The following MAFK variants were observed in gnomAD, a reference collection of about 807,000 sequenced individuals.
MAFK encodes the protein transcription factor MafK.
MAFK carries 1 observed loss-of-function variant against 9.2 expected under a neutral mutation model. The ratio of observed to expected loss-of-function variants is 0.11; its 90% CI spans 0.04 to 0.52. The LOEUF (loss-of-function observed/expected upper bound fraction) is 0.52, where lower values mean the gene tolerates loss of function less well. Among genes scored for constraint, MAFK ranks in the 20% least tolerant of loss-of-function variants. The pLI is 0.94. For synonymous variants in MAFK, 110 were observed against 107.4 expected (o/e 1.02, Z -0.15); for missense variants, 207 against 236.0 (o/e 0.88, Z 0.81).
chr7:1,537,626 G>C (rs1024325125), intron 1 of MAFK: 1 of 985,592 alleles, frequency 1.0e-6, no homozygotes, highest in Non-Finnish European at 1.2e-6. Flanking sequence ...TGCCATCTAC[G>C]TCAGCGCCCT....
chr7:1,539,269 G>A (rs756116349), intron 2 of MAFK, 41 bp downstream of exon 2: 54 of 1,545,626 alleles, frequency 3.5e-5, no homozygotes, highest in Admixed American at 9.0e-5. Flanking sequence ...AAGCACAGGC[G>A]TGGGAAAGGC....
chr7:1,536,032 G>T (rs1348249857), intron 1 of MAFK, among the ~76,000 whole-genome samples: 1 of 152,224 alleles, frequency 6.6e-6, no homozygotes, highest in African/African-American at 2.4e-5. Flanking sequence ...TCTGGCCTTG[G>T]GTTGAAAACC....
chr7:1,538,280 C>G (rs1353460872), intron 1 of MAFK: 2 of 985,392 alleles, frequency 2.0e-6, no homozygotes, highest in Non-Finnish European at 2.4e-6. Context: ...GGGACGACTC[C>G]CGCCAGACGG....
chr7:1,537,492 A>T (rs1049004727), intron 1 of MAFK: 3 of 985,364 alleles, frequency 3.0e-6, no homozygotes, highest in African/African-American at 3.5e-5. Context: ...CGGCATTTGC[A>T]GGTCCCCACG....
rs571930804 is a variant in MAFK, at chr7:1,542,589, C to T, written c.*2214C>T. On this transcript the variant is annotated 3_prime_UTR_variant, in exon 3 of 3. Coordinates refer to ENST00000343242, the MANE Select transcript of MAFK (RefSeq NM_002360.4). ...GGGTGGACGGAGCCGCTGTCACCGC[C>T]CAGAGCTGGGCCGGGGAAGCACGGT... is the stretch of plus-strand genomic sequence containing the variant. The T allele has an allele frequency of 6.6e-6, 1 of 152,410 alleles. No homozygotes were observed. Among genetic ancestry groups the T allele is most frequent in the Admixed American group, 6.5e-5 (1 of 15,310 alleles). 9.4% of individuals were successfully genotyped at this position (152,410 alleles called of 1,614,324 possible).
rs778517421 is a variant in MAFK at position 1,540,231 on chromosome 7, C to T, written c.327C>T (p.Ser109=). Residue 109 remains serine (S), a synonymous_variant, in exon 3 of 3, where the codon TCC becomes TCT. Coordinates refer to ENST00000343242, the MANE Select transcript of MAFK (RefSeq NM_002360.4). ...GGCTGGAGCTGGACGCCCTGCGCTC[C>T]AAGTACGAGGCGCTGCAGACCTTCG... ...SMRLELDALR[S]KYEALQTFAR... is the part of the protein sequence containing the mutation. The T allele has an allele frequency of 1.9e-6, 3 of 1,604,800 alleles. No homozygotes were observed. The highest frequency in any genetic ancestry group is 8.5e-7 in the Non-Finnish European group (1 of 1,176,652).
At position 1,532,153 on chromosome 7, in the gene MAFK, T is replaced by C. The variant is rs1783920867; in HGVS notation, c.-45+1255T>C. Among the ~76,000 whole-genome samples the C allele has an allele frequency of 6.6e-6, 1 of 152,234 alleles. No homozygotes were observed. The highest frequency in any genetic ancestry group is 2.1e-4 in the South Asian group (1 of 4,834). ...TCCAGGGTGGGCTGCCAGGTCTCTT[T>C]ACTGGCACTGAGGTTTCACCGTCAC... On this transcript the variant is annotated intron_variant, in intron 1 of 2. Transcript: ENST00000343242. The surrounding 1 kb of genome is among the most constrained non-coding windows in gnomAD (Gnocchi z 4.5).
chr7:1,534,432 G>T lies in MAFK; in HGVS notation c.-45+3534G>T, dbSNP rs1425807926. On this transcript the variant is annotated intron_variant, in intron 1 of 2. Coordinates refer to ENST00000343242, the MANE Select transcript of MAFK (RefSeq NM_002360.4). The surrounding 1 kb of genome is among the most constrained non-coding windows in gnomAD (Gnocchi z 4.3). The stretch of plus-strand genomic sequence containing the variant: ...CCTGGGAGAGGCGGGTACACCTTGG[G>T]TGGCCTCTGGTTTTGTGGATTGCAC... The T allele has an allele frequency of 2.3e-6, 1 of 434,666 alleles. No individual in the cohort carries two copies. Among genetic ancestry groups the T allele is most frequent in the East Asian group, 7.2e-5 (1 of 13,966 alleles). The allele number at this position is 434,666 out of a possible 1,614,324, so 26.9% of individuals were successfully genotyped here.
chr7:1,538,628 G>C (rs893168660), intron 1 of MAFK: 1 of 182,928 alleles, frequency 5.5e-6, no homozygotes, highest in African/African-American at 2.4e-5. Flanking sequence ...GCTGTCCAGC[G>C]GGGCCCCACA....
At position 1,540,627 on chromosome 7, in the gene MAFK, G is replaced by T; in HGVS notation, c.*252G>T. ...CCTGCTCCCCGCAGGATGTGTCTGT[G>T]TGTGGGAATTGGTATCTTGCACCCG... On this transcript the variant is annotated 3_prime_UTR_variant, in exon 3 of 3. Coordinates refer to ENST00000343242, the MANE Select transcript of MAFK (RefSeq NM_002360.4). 3 of 510,086 alleles carry T rather than the reference G, an allele frequency of 5.9e-6. No homozygotes were observed. The highest frequency in any genetic ancestry group is 2.6e-5 in the South Asian group (1 of 37,966). The allele number at this position is 510,086 out of a possible 1,614,324, so 31.6% of individuals were successfully genotyped here.
chr7:1,539,340 T>A, intron 2 of MAFK, 112 bp downstream of exon 2: 1 of 843,164 alleles, frequency 1.2e-6, no homozygotes, highest in Non-Finnish European at 1.9e-6. Flanking sequence ...GAGGCCTCCC[T>A]GTTGCCAGGA....
rs775748199 is a variant in MAFK at position 1,540,406 on chromosome 7, C to A, written c.*31C>A. ...GCCGGGGGCGGGGGGTGGCGGGCGG[C>A]GGGCGGCGGGCAGGCGGGTGGGGGC... On this transcript the variant is annotated 3_prime_UTR_variant, in exon 3 of 3. Transcript: ENST00000343242. 10 of 124,466 alleles carry A rather than the reference C, an allele frequency of 8.0e-5. No individual in the cohort carries two copies. The highest frequency in any genetic ancestry group is 1.3e-4 in the Non-Finnish European group (8 of 59,484). The allele number at this position is 124,466 out of a possible 1,614,324, so 7.7% of individuals were successfully genotyped here. A position where few individuals can be genotyped will look rare whatever the true frequency, so the allele number is the denominator to read the frequency against.
intron 2 of MAFK, 135 bp from the exon 3 acceptor site, chr7:1,539,806 T>C (rs1057513920): frequency 1.4e-5 from 10 of 721,418 alleles, no homozygotes; most frequent in African/African-American, 3.6e-5. Flanking sequence ...CTGTGGTCCC[T>C]GGTGCGGATG....
rs1784193538 is a variant in MAFK, at chr7:1,541,670, T to C, written c.*1295T>C. 1.3e-5 allele frequency: 2 copies of C among 152,214 alleles called. No homozygotes were observed. Among genetic ancestry groups the C allele is most frequent in the Admixed American group, 6.5e-5 (1 of 15,282 alleles). The allele number at this position is 152,214 out of a possible 1,614,324, so 9.4% of individuals were successfully genotyped here. A position where few individuals can be genotyped will look rare whatever the true frequency, so the allele number is the denominator to read the frequency against. ...CACCCCCAGGAGCACAGCCACGGGC[T>C]GCAGGTGTGGCTGGCCTCAGCACTC... On this transcript the variant is annotated 3_prime_UTR_variant, in exon 3 of 3. Coordinates refer to ENST00000343242, the MANE Select transcript of MAFK (RefSeq NM_002360.4).
chr7:1,537,524 C>T (rs1396079174), intron 1 of MAFK: 2 of 985,498 alleles, frequency 2.0e-6, no homozygotes, highest in Non-Finnish European at 2.4e-6. Context: ...AGCTGGGCCC[C>T]AGCCTCTCCA....
rs936563409 is a variant in MAFK at position 1,534,544 on chromosome 7, T to C, written c.-45+3646T>C. On this transcript the variant is annotated intron_variant, in intron 1 of 2. Transcript: ENST00000343242. The surrounding 1 kb of genome is among the most constrained non-coding windows in gnomAD (Gnocchi z 4.3). ...TGAACCCGTGTCTCTCGCACAGAGC[T>C]CCCGTCCTCCGTTCCTGGTCTTCCT... 6.6e-6 allele frequency: 3 copies of C among 455,796 alleles called. No individual in the cohort carries two copies. In the Admixed American group the frequency reaches 7.1e-5, roughly 11 times the overall value. 28.2% of individuals were successfully genotyped at this position (455,796 alleles called of 1,614,324 possible). A position where few individuals can be genotyped will look rare whatever the true frequency, so the allele number is the denominator to read the frequency against.
rs1400448462 is a variant in MAFK, at chr7:1,539,172, C to T, written c.-21C>T. The T allele has an allele frequency of 2.5e-6, 4 of 1,613,166 alleles. No homozygotes were observed. In the African/African-American group the frequency reaches 4.0e-5, roughly 16 times the overall value. ...AGCTACGAGTTCCAGGGAGCTCTGT[C>T]CTGGTGACCGTGCCCGGGTTATGAC... On this transcript the variant is annotated 5_prime_UTR_variant, in exon 2 of 3. Coordinates refer to ENST00000343242, the MANE Select transcript of MAFK (RefSeq NM_002360.4).
rs1783922958 is a variant in MAFK at position 1,532,233 on chromosome 7, C to T, written c.-45+1335C>T. Reference sequence around the variant, plus strand: ...CAGAGTGGGGTGCCCTATGCAGCTTCTCCAAACCCAATGTCTTCAGGGACA... The same window carrying T: ...CAGAGTGGGGTGCCCTATGCAGCTTTTCCAAACCCAATGTCTTCAGGGACA... On this transcript the variant is annotated intron_variant, in intron 1 of 2. Coordinates refer to ENST00000343242, the MANE Select transcript of MAFK (RefSeq NM_002360.4). The surrounding 1 kb of genome is among the most constrained non-coding windows in gnomAD (Gnocchi z 4.5). Among the ~76,000 whole-genome samples, 1 of 152,214 alleles carries T rather than the reference C, an allele frequency of 6.6e-6. No individual in the cohort carries two copies. Among genetic ancestry groups the T allele is most frequent in the Non-Finnish European group, 1.5e-5 (1 of 68,040 alleles).
chr7:1,536,357 G>A (rs1391972801), intron 1 of MAFK, among the ~76,000 whole-genome samples: 2 of 152,268 alleles, frequency 1.3e-5, no homozygotes, highest in Middle Eastern at 3.4e-3. Flanking sequence ...GTCGTTCCTC[G>A]GGGGCTGCTG....
Sources: allele counts gnomAD v4.1 joint callset (sites outside exome capture counted in the v4.1 genomes callset), GRCh38; gene constraint gnomAD v4.1.1; non-coding constraint Gnocchi (gnomAD v3.1); transcripts MANE v1.5; gene names NCBI Gene and HGNC (gene_info 2026-07-23, HGNC 2026-07-21).